CACNA1F: variants seen among roughly 807,000 people sequenced by gnomAD.
The protein encoded by CACNA1F is calcium voltage-gated channel subunit alpha1 F.
In CACNA1F, 59 loss-of-function variants were observed where a neutral mutation model predicts 143.8. The ratio of observed to expected loss-of-function variants is 0.41; its 90% CI spans 0.33 to 0.51. The LOEUF is 0.51. Ranked by LOEUF, CACNA1F falls within the 20% of genes least tolerant of loss-of-function variation. The pLI is 0.22. For missense variants in CACNA1F, 1,411 were observed against 1,647.5 expected (o/e 0.86, Z 2.48); for synonymous variants, 643 against 649.1 (o/e 0.99, Z 0.14).
chrX:49,208,164 C>T (rs1557105325), intron 43 of CACNA1F, among the ~76,000 whole-genome samples: 1 of 99,407 alleles, frequency 1.0e-5, no homozygotes, highest in African/African-American at 3.8e-5. Flanking sequence ...TGCCACTGCA[C>T]TCCAGCCTGG....
At position 49,230,537 on chromosome X, in the gene CACNA1F, T is replaced by C. The variant is rs1367159741; in HGVS notation, c.594A>G (p.Gly198=). The change falls in exon 5 of 48, where the codon GGA becomes GGG. Residue 198 remains glycine (G), a synonymous_variant. Coordinates refer to ENST00000323022, the MANE Select transcript of CACNA1F (RefSeq NM_001256789.3). ...GDAPHTGGKP[G]GFDVKALRAF... ...CCCTCAATGCCTTCACATCGAAGCC[T>C]CCTGGCTTTCCCCCGGTGTGCGGGG... is the stretch of plus-strand genomic sequence containing the variant. The C allele has an allele frequency of 1.7e-6, 2 of 1,194,433 alleles. No individual in the cohort carries two copies. The highest frequency in any genetic ancestry group is 4.6e-5 in the Admixed American group (2 of 43,777).
chrX:49,220,035 A>G (rs1380044443), intron 19 of CACNA1F, among the ~76,000 whole-genome samples: 1 of 111,746 alleles, frequency 8.9e-6, no homozygotes, highest in Non-Finnish European at 1.9e-5. Context: ...TTTTATAATA[A>G]AGGCTCTGAG....
intron 6 of CACNA1F, among the ~76,000 whole-genome samples, chrX:49,229,140 T>C (rs2065853082): frequency 9.0e-6 from 1 of 111,640 alleles, no homozygotes; most frequent in African/African-American, 3.3e-5. Context: ...TAAAGCTTTT[T>C]TTTGGTTTGT....
chrX:49,221,915 G>A (rs1268839928), intron 17 of CACNA1F, among the ~76,000 whole-genome samples: 3 of 109,100 alleles, frequency 2.7e-5, no homozygotes, highest in Admixed American at 1.9e-4. Flanking sequence ...CCTGGGTGGC[G>A]GAGGTTGCAG....
In CACNA1F at chrX:49,221,378, ACT is replaced by A. The variant is rs2065773430; in HGVS notation, c.2289-300_2289-299del. On this transcript the variant is annotated intron_variant, in intron 17 of 47. Coordinates refer to ENST00000323022, the MANE Select transcript of CACNA1F (RefSeq NM_001256789.3). ...CCTCCACTGACCTTCACTCCATACC[ACT>A]CTCCTCCTTCCTCACTCCATTCCAG... is the stretch of plus-strand genomic sequence containing the variant. 2.9e-5 allele frequency among the ~76,000 whole-genome samples: 3 copies of A among 104,781 alleles called. No individual in the cohort carries two copies. The South Asian group carries it at 1.3e-3, about 45-fold the overall frequency. The allele number at this position is 104,781 out of a possible 115,157, so 91.0% of individuals were successfully genotyped here. A position where few individuals can be genotyped will look rare whatever the true frequency, so the allele number is the denominator to read the frequency against.
At chrX:49,221,979 A>AT (rs2065779082) in intron 17 of CACNA1F, among the ~76,000 whole-genome samples, 1 of 104,060 alleles carries the variant, frequency 9.6e-6, no homozygotes, top group Non-Finnish European at 1.9e-5. Context: ...GTGAAACTCC[A>AT]TATCAGAATA....
At chrX:49,209,554 A>C in intron 41 of CACNA1F, 75 bp downstream of exon 41, 2 of 1,179,446 alleles carry the variant, frequency 1.7e-6, no homozygotes, top group South Asian at 3.6e-5. Flanking sequence ...GGGTTTCACA[A>C]GATCAAAATG....
rs1376500969 is a variant in CACNA1F at position 49,213,015 on chromosome X, G to C, written c.3793-21C>G. ...CCATTCTGGAGGGAGATATGGCCAAGAAAAAGGTGATACAGGAGATGATGA... is the reference window on the plus strand; with the variant it reads ...CCATTCTGGAGGGAGATATGGCCAACAAAAAGGTGATACAGGAGATGATGA... On this transcript the variant is annotated intron_variant, in intron 31 of 47. Transcript: ENST00000323022. The C allele has an allele frequency of 5.0e-6, 6 of 1,188,805 alleles. No individual in the cohort carries two copies. In the South Asian group the frequency reaches 1.1e-4, roughly 22 times the overall value.
intron 6 of CACNA1F, among the ~76,000 whole-genome samples, chrX:49,228,797 G>A (rs1557110660): frequency 8.9e-6 from 1 of 112,371 alleles, no homozygotes; most frequent in African/African-American, 3.2e-5. Context: ...TCGAACTCCT[G>A]ACCTTGTGAT....
At position 49,233,338 on chromosome X, in the gene CACNA1F, C is replaced by T. The variant is rs1352261733; in HGVS notation, c.-29G>A. 8 of 1,147,867 alleles carry T rather than the reference C, an allele frequency of 7.0e-6. No individual in the cohort carries two copies. Among genetic ancestry groups the T allele is most frequent in the Middle Eastern group, 2.4e-4 (1 of 4,221 alleles). 94.6% of individuals were successfully genotyped at this position (1,147,867 alleles called of 1,213,427 possible). On this transcript the variant is annotated 5_prime_UTR_variant, in exon 1 of 48. Coordinates refer to ENST00000323022, the MANE Select transcript of CACNA1F (RefSeq NM_001256789.3). ...TCTTTCGAGATTGAAGGGCCATCTG[C>T]ACACAACCCCCCTCTCTTCCCCCAG... is the stretch of plus-strand genomic sequence containing the variant.
intron 6 of CACNA1F, among the ~76,000 whole-genome samples, chrX:49,229,562 G>C (rs1349518981): frequency 8.9e-6 from 1 of 112,839 alleles, no homozygotes; most frequent in Non-Finnish European, 1.9e-5. Context: ...TGATCCTCCC[G>C]CCTCGGCCTC....
At chrX:49,209,120 C>T (rs782526364) in intron 42 of CACNA1F, 142 bp downstream of exon 42, 2 of 722,205 alleles carry the variant, frequency 2.8e-6, no homozygotes, top group Non-Finnish European at 4.2e-6. Flanking sequence ...AGCCACCACT[C>T]CCAGCCTCAA....
chrX:49,219,725 C>T lies in CACNA1F; in HGVS notation c.2452G>A (p.Gly818Ser), dbSNP rs782727900. The change falls in exon 20 of 48, where the codon GGT (glycine) becomes AGT (serine). Residue 818 changes from glycine to serine, a missense_variant. Physicochemically the swap from Gly to Ser is moderately conservative, Grantham distance 56. Around this residue, in one of 3 missense-constraint regions of CACNA1F, gnomAD observed 950 missense variants for 1,128.1 expected, o/e 0.84. Coordinates refer to ENST00000323022, the MANE Select transcript of CACNA1F (RefSeq NM_001256789.3). ...ACAACTTCCTGCAGGAGTTCCACAC[C>T]CCCTGCACCCTCTTCCTCTTCTTCC... Reference protein sequence around the residue: ...EEEEEEEGAGGVELLQEVVPK... With the variant: ...EEEEEEEGAGSVELLQEVVPK... 5.1e-6 allele frequency: 6 copies of T among 1,187,416 alleles called. No homozygotes were observed. Among genetic ancestry groups the T allele is most frequent in the Admixed American group, 2.3e-5 (1 of 43,380 alleles).
intron 22 of CACNA1F, 52 bp downstream of exon 22, chrX:49,218,830 G>T: frequency 9.1e-7 from 1 of 1,104,972 alleles, no homozygotes; most frequent in Non-Finnish European, 1.2e-6. Flanking sequence ...GCAAGAACCG[G>T]TGGGGAGAGT....
Position 49,205,175 on chromosome X carries a change from C to T in CACNA1F, c.5863G>A (p.Asp1955Asn), listed in dbSNP as rs376042913. The change falls in exon 48 of 48, where the codon GAC becomes AAC. Residue 1955 changes from aspartate (D) to asparagine (N), a missense_variant. Physicochemically the swap from Asp to Asn is conservative, Grantham distance 23 (BLOSUM62 1). This residue lies in a region of CACNA1F where 349 missense variants were observed against 350.2 expected (regional missense o/e 1.00). Coordinates refer to ENST00000323022, the MANE Select transcript of CACNA1F (RefSeq NM_001256789.3). Reference protein sequence around the residue: ...ESILSRFDEEDLGDEMACVHA... With the variant: ...ESILSRFDEENLGDEMACVHA... The stretch of plus-strand genomic sequence containing the variant: ...ACGCAGGCCATCTCGTCTCCCAAGT[C>T]CTCCTCATCGAAGCGGGAGAGGATG... The T allele has an allele frequency of 1.3e-4, 159 of 1,209,533 alleles. No homozygotes were observed. Among genetic ancestry groups the T allele is most frequent in the Non-Finnish European group, 1.7e-4 (153 of 894,692 alleles).
chrX:49,213,954 G>T, intron 30 of CACNA1F, 52 bp from the exon 31 acceptor site: 5 of 949,022 alleles, frequency 5.3e-6, no homozygotes, highest in Non-Finnish European at 7.5e-6. Context: ...CGCAAGCCAG[G>T]GTAGGGGGCC....
chrX:49,214,315 C>T (rs376476567), intron 29 of CACNA1F, 46 bp from the exon 30 acceptor site: 31 of 775,655 alleles, frequency 4.0e-5, no homozygotes, highest in Non-Finnish European at 5.2e-5. Context: ...GCAGAGATGC[C>T]GCCACACCCA....
At position 49,205,216 on chromosome X, in the gene CACNA1F, T is replaced by C; in HGVS notation, c.5822A>G (p.Tyr1941Cys). 1 of 1,210,842 alleles carries C rather than the reference T, an allele frequency of 8.3e-7. No homozygotes were observed. Among genetic ancestry groups the C allele is most frequent in the Non-Finnish European group, 1.1e-6 (1 of 894,834 alleles). Residue 1941 changes from tyrosine to cysteine, a missense_variant, in exon 48 of 48, where the codon TAT (tyrosine) becomes TGT (cysteine). Transcript: ENST00000323022. ...DLLAQGTSSL[Y>C]SDEESILSRF... ...GGAGAGGATGGACTCCTCGTCGCTA[T>C]AGAGAGAGCTGGTTCCCTGTGCCAG...
Position 49,231,878 on chromosome X carries a change from T to C in CACNA1F, c.75A>G (p.Glu25=), listed in dbSNP as rs1238041044. Residue 25 remains glutamate, a synonymous_variant, in exon 2 of 48, where the codon GAA becomes GAG. Transcript: ENST00000323022. ...SPANGAGPGP[E]WGLCPGPPAV... ...CTGGGGGCCCGGGGCACAGCCCCCA[T>C]TCGGGACCAGGGCCTGCCCCATTGG... The C allele has an allele frequency of 4.2e-6, 5 of 1,179,848 alleles. No individual in the cohort carries two copies. Among genetic ancestry groups the C allele is most frequent in the Non-Finnish European group, 5.7e-6 (5 of 879,473 alleles).
Sources: allele counts gnomAD v4.1 joint callset (sites outside exome capture counted in the v4.1 genomes callset), GRCh38; gene constraint gnomAD v4.1.1; regional missense constraint gnomAD v4.1.1; transcripts MANE v1.5; gene names NCBI Gene and HGNC (gene_info 2026-07-23, HGNC 2026-07-21).